Variants in KNDC1 observed in about 807,000 individuals in gnomAD.
The protein encoded by KNDC1 is kinase non-catalytic C-lobe domain-containing protein 1.
In KNDC1, 106 loss-of-function variants were observed where a neutral mutation model predicts 172.8. That is an observed-to-expected ratio of 0.61 (90% CI 0.52 to 0.72). The LOEUF is 0.72. KNDC1 is among the 30% of genes least tolerant of loss of function. The probability of loss-of-function intolerance (pLI) is 0.00; values close to 1 mark genes in which losing one functional copy is unlikely to be tolerated. For missense variants in KNDC1, 2,325 were observed against 2,394.5 expected (o/e 0.97, Z 0.61); for synonymous variants, 1,083 against 1,062.2 (o/e 1.02, Z -0.38).
In KNDC1 at chr10:133,188,662, C is replaced by A. The variant is rs377507225; in HGVS notation, c.1441+9C>A. ...ACGCCCTGAGCACCCAGGTGACGCA[C>A]GCACCATCCCATCCCCCCCGCCGTC... On this transcript the variant is annotated intron_variant, in intron 7 of 29. Coordinates refer to ENST00000304613, the MANE Select transcript of KNDC1 (RefSeq NM_152643.8). 1.8e-5 allele frequency: 28 copies of A among 1,530,830 alleles called. No homozygotes were observed. Among genetic ancestry groups the A allele is most frequent in the Non-Finnish European group, 2.5e-5 (28 of 1,132,224 alleles). 94.8% of individuals were successfully genotyped at this position (1,530,830 alleles called of 1,614,324 possible).
chr10:133,183,632 G>T, intron 4 of KNDC1, 142 bp downstream of exon 4: 1 of 1,087,960 alleles, frequency 9.2e-7, no homozygotes, highest in Non-Finnish European at 1.3e-6. Context: ...TTGCTTAAAG[G>T]AGGACTTGGT....
At position 133,197,476 on chromosome 10, in the gene KNDC1, T is replaced by C. The variant is rs192613149; in HGVS notation, c.1813-199T>C. 2.0e-5 allele frequency among the ~76,000 whole-genome samples: 3 copies of C among 152,306 alleles called. No homozygotes were observed. The East Asian group carries it at 5.8e-4, about 29-fold the overall frequency. Reference sequence around the variant, plus strand: ...TGGAACCCACGGAAACCTGGTTGGCTTGGGAGGCAAAGGAGCCCCAACGGC... The same window carrying C: ...TGGAACCCACGGAAACCTGGTTGGCCTGGGAGGCAAAGGAGCCCCAACGGC... On this transcript the variant is annotated intron_variant, in intron 11 of 29. Transcript: ENST00000304613.
chr10:133,189,348 C>T (rs989209295), intron 7 of KNDC1, among the ~76,000 whole-genome samples: 45 of 152,320 alleles, frequency 3.0e-4, no homozygotes, highest in East Asian at 1.7e-3. Flanking sequence ...CCCTTTCAGC[C>T]GCAGATATGC....
intron 3 of KNDC1, 94 bp downstream of exon 3, chr10:133,168,406 C>G: frequency 7.7e-7 from 1 of 1,304,628 alleles, no homozygotes; most frequent in East Asian, 2.3e-5. Context: ...TTGGGGCGAC[C>G]TCTGCAAGTG....
chr10:133,211,458 C>A lies in KNDC1; in HGVS notation c.3945C>A (p.Ile1315=). ...ACCCCACCTCGACCTTCACCAAGATCTACAGGCGGAGCCTCTGCGTCCTGC... is the reference window on the plus strand; with the variant it reads ...ACCCCACCTCGACCTTCACCAAGATATACAGGCGGAGCCTCTGCGTCCTGC... ...HQDPTSTFTK[I]YRRSLCVLQA... Residue 1315 remains isoleucine (I), a synonymous_variant, in exon 22 of 30, where the codon ATC becomes ATA. Coordinates refer to ENST00000304613, the MANE Select transcript of KNDC1 (RefSeq NM_152643.8). 1.9e-6 allele frequency: 3 copies of A among 1,613,872 alleles called. No individual in the cohort carries two copies. Among genetic ancestry groups the A allele is most frequent in the Non-Finnish European group, 2.5e-6 (3 of 1,179,876 alleles).
chr10:133,160,539 C>T lies in KNDC1; in HGVS notation c.72C>T (p.Phe24=). Residue 24 remains phenylalanine (F), a synonymous_variant, in exon 1 of 30, where the codon TTC becomes TTT. Transcript: ENST00000304613. ...GCAAAGACCTGGACTTCTACGACTTCGAGCCGCTGCCCACCCTCCCCGAGG... is the reference window on the plus strand; with the variant it reads ...GCAAAGACCTGGACTTCTACGACTTTGAGCCGCTGCCCACCCTCCCCGAGG... The part of the protein sequence containing the change: ...EDGKDLDFYD[F]EPLPTLPEDE... 1 of 1,584,460 alleles carries T rather than the reference C, an allele frequency of 6.3e-7. No homozygotes were observed. Among genetic ancestry groups the T allele is most frequent in the Non-Finnish European group, 8.6e-7 (1 of 1,167,432 alleles).
At chr10:133,207,647 A>G (rs1259211070) in intron 20 of KNDC1, among the ~76,000 whole-genome samples, 1 of 152,238 alleles carries the variant, frequency 6.6e-6, no homozygotes, top group Non-Finnish European at 1.5e-5. Context: ...ATGGCTTCCA[A>G]AAATAACACG....
At chr10:133,173,876 C>T (rs1853448480) in intron 3 of KNDC1, 1 of 152,264 alleles carries the variant, frequency 6.6e-6, no homozygotes, top group South Asian at 2.1e-4. Context: ...CTCTAAACTT[C>T]CAAACACACT....
intron 16 of KNDC1, among the ~76,000 whole-genome samples, 183 bp downstream of exon 16, chr10:133,200,643 GC>G (rs1854337428): frequency 4.6e-5 from 7 of 151,862 alleles, no homozygotes; most frequent in East Asian, 1.9e-4. Context: ...GCCAAAGGCC[GC>G]CCTCTCCTGG....
rs200113792 is a variant in KNDC1, at chr10:133,224,768, A to G, written c.5128A>G (p.Ser1710Gly). Reference sequence around the variant, plus strand: ...CCTCAAGCAGAGGATTGCCCGCTTCAGCGGTGCCGACATTTCCACACTCGC... The same window carrying G: ...CCTCAAGCAGAGGATTGCCCGCTTCGGCGGTGCCGACATTTCCACACTCGC... ...SYLKQRIARF[S>G]GADISTLAAD... The change falls in exon 30 of 30, where the codon AGC becomes GGC. Residue 1710 changes from serine (S) to glycine (G), a missense_variant. Physicochemically the swap from Ser to Gly is moderately conservative, Grantham distance 56. Coordinates refer to ENST00000304613, the MANE Select transcript of KNDC1 (RefSeq NM_152643.8). The surrounding 1 kb of genome is among the most constrained non-coding windows in gnomAD (Gnocchi z 5.4). 5 of 1,613,948 alleles carry G rather than the reference A, an allele frequency of 3.1e-6. No individual in the cohort carries two copies. Among genetic ancestry groups the G allele is most frequent in the Non-Finnish European group, 4.2e-6 (5 of 1,180,022 alleles).
rs559967859 is a variant in KNDC1, at chr10:133,213,228, G to A, written c.4443+306G>A. The stretch of plus-strand genomic sequence containing the variant: ...GGATGCCCTGAGGGCCGCATGGGGC[G>A]CTGAGTCTCTCCCCCCAGCCCCTCC... On this transcript the variant is annotated intron_variant, in intron 24 of 29. Coordinates refer to ENST00000304613, the MANE Select transcript of KNDC1 (RefSeq NM_152643.8). 3.9e-4 allele frequency among the ~76,000 whole-genome samples: 60 copies of A among 152,320 alleles called. 1 individual carries two copies. In the South Asian group the frequency reaches 4.1e-3, roughly 11 times the overall value.
Position 133,203,909 on chromosome 10 carries a change from G to A in KNDC1, c.3387+2011G>A, listed in dbSNP as rs41283309. On this transcript the variant is annotated intron_variant, in intron 17 of 29. Transcript: ENST00000304613. ...TGTGAACGGAGGCCGTGGAGGTGCC[G>A]GCCAGAGAGGAGTCTGCGTGAGCTG... Among the ~76,000 whole-genome samples the A allele has an allele frequency of 4.9e-3, 749 of 152,346 alleles. 4 individuals carry two copies. Among genetic ancestry groups the A allele is most frequent in the Non-Finnish European group, 7.3e-3 (494 of 68,026 alleles).
chr10:133,172,689 C>T (rs1297421168), intron 3 of KNDC1, among the ~76,000 whole-genome samples: 1 of 152,162 alleles, frequency 6.6e-6, no homozygotes, highest in African/African-American at 2.4e-5. Flanking sequence ...AACTACTGCT[C>T]AGTTTTTAAT....
intron 3 of KNDC1, among the ~76,000 whole-genome samples, chr10:133,169,555 G>A (rs1389986998): frequency 6.6e-6 from 1 of 152,244 alleles, no homozygotes; most frequent in African/African-American, 2.4e-5. Flanking sequence ...CCTGGGAGGT[G>A]GGCAGGGTGC....
chr10:133,202,924 G>A (rs899893818), intron 17 of KNDC1, among the ~76,000 whole-genome samples: 13 of 152,316 alleles, frequency 8.5e-5, no homozygotes, highest in East Asian at 1.9e-4. Context: ...AAGGGCGGCC[G>A]GCACAGCAAA....
At chr10:133,184,095 G>GCA in intron 5 of KNDC1, 106 bp downstream of exon 5, 2 of 590,374 alleles carry the variant, frequency 3.4e-6, no homozygotes, top group Non-Finnish European at 5.9e-6. Context: ...CACACACACT[G>GCA]CACACACACC....
chr10:133,181,004 G>A (rs917055732), intron 3 of KNDC1, among the ~76,000 whole-genome samples: 1 of 152,236 alleles, frequency 6.6e-6, no homozygotes, highest in Non-Finnish European at 1.5e-5. Context: ...TGTAAGTGGA[G>A]GTGACCTGGG....
chr10:133,165,687 G>T (rs537990277), intron 1 of KNDC1, among the ~76,000 whole-genome samples: 2 of 152,364 alleles, frequency 1.3e-5, no homozygotes, highest in South Asian at 4.1e-4. Flanking sequence ...GTGTGCAGGT[G>T]CATGGGTGTG....
chr10:133,179,697 G>C (rs770985927), intron 3 of KNDC1, among the ~76,000 whole-genome samples: 3 of 152,204 alleles, frequency 2.0e-5, no homozygotes, highest in Admixed American at 6.5e-5. Flanking sequence ...GTCCCCACTC[G>C]AGGCGAGAGC....
Sources: allele counts gnomAD v4.1 joint callset (sites outside exome capture counted in the v4.1 genomes callset), GRCh38; gene constraint gnomAD v4.1.1; non-coding constraint Gnocchi (gnomAD v3.1); transcripts MANE v1.5; gene names NCBI Gene and HGNC (gene_info 2026-07-23, HGNC 2026-07-21).